BRIP1: variants seen among roughly 807,000 people sequenced by gnomAD.
BRIP1 encodes the protein Fanconi anemia group J protein.
Under a neutral mutation model 119.7 loss-of-function variants are expected in BRIP1, and 88 were observed. The ratio of observed to expected loss-of-function variants is 0.74; its 90% CI spans 0.62 to 0.88. The LOEUF is 0.88. BRIP1 is among the 40% of genes least tolerant of loss of function. The pLI, the probability that BRIP1 is intolerant of heterozygous loss-of-function variation, is 0.00. For synonymous variants in BRIP1, 443 were observed against 496.5 expected (o/e 0.89, Z 1.43); for missense variants, 1,259 against 1,455.4 (o/e 0.87, Z 2.20).
In BRIP1 at chr17:61,685,895, G is replaced by A; in HGVS notation, c.2846C>T (p.Pro949Leu). 6.2e-7 allele frequency: 1 copy of A among 1,613,826 alleles called. No individual in the cohort carries two copies. Among genetic ancestry groups the A allele is most frequent in the Non-Finnish European group, 8.5e-7 (1 of 1,179,912 alleles). ...AGGTGAATTTTTGGTAATAATTTTA[G>A]GACACTGTAGTTCCTGGACACATAT... ...AKICVQELQC[P>L]KIITKNSPLP... Residue 949 changes from proline to leucine, a missense_variant, in exon 19 of 20, where the codon CCT becomes CTT. Physicochemically the swap from Pro to Leu is moderately conservative, Grantham distance 98. This residue lies in a region of BRIP1 where 753 missense variants were observed against 891.8 expected (regional missense o/e 0.84). Coordinates refer to ENST00000259008, the MANE Select transcript of BRIP1 (RefSeq NM_032043.3).
intron 14 of BRIP1, among the ~76,000 whole-genome samples, chr17:61,763,995 A>T (rs918303365): frequency 8.5e-5 from 13 of 152,210 alleles, no homozygotes; most frequent in Non-Finnish European, 1.8e-4. Flanking sequence ...TGAGGCATAT[A>T]AAATACTACC....
At position 61,742,339 on chromosome 17, in the gene BRIP1, G is replaced by A. The variant is rs1330380234; in HGVS notation, c.2379+674C>T. Among the ~76,000 whole-genome samples the A allele has an allele frequency of 6.6e-6, 1 of 152,146 alleles. No individual in the cohort carries two copies. Among genetic ancestry groups the A allele is most frequent in the African/African-American group, 2.4e-5 (1 of 41,432 alleles). ...TAATAAGACTGTTTGCTTATTATTT[G>A]TACATTCACTGGAGTAACACTTTTA... On this transcript the variant is annotated intron_variant, in intron 16 of 19. Transcript: ENST00000259008. The surrounding 1 kb of genome is among the most constrained non-coding windows in gnomAD (Gnocchi z 4.7).
chr17:61,680,584 A>C lies in BRIP1; in HGVS notation c.*2712T>G, dbSNP rs1189732386. 1.4e-5 allele frequency among the ~76,000 whole-genome samples: 2 copies of C among 141,978 alleles called. No individual in the cohort carries two copies. The highest frequency in any genetic ancestry group is 5.3e-5 in the African/African-American group (2 of 37,538). 93.1% of individuals were successfully genotyped at this position (141,978 alleles called of 152,430 possible). The stretch of plus-strand genomic sequence containing the variant: ...AAGCTCCACCTCCCGGGTTCACGCC[A>C]TTCTCCTGCCTCAGCCTCCTGAGTA... On this transcript the variant is annotated 3_prime_UTR_variant, in exon 20 of 20. Transcript: ENST00000259008.
Position 61,705,105 on chromosome 17 carries a change from C to G in BRIP1, c.2492+10846G>C, listed in dbSNP as rs567684090. Among the ~76,000 whole-genome samples, 1 of 152,120 alleles carries G rather than the reference C, an allele frequency of 6.6e-6. No individual in the cohort carries two copies. Among genetic ancestry groups the G allele is most frequent in the African/African-American group, 2.4e-5 (1 of 41,430 alleles). On this transcript the variant is annotated intron_variant, in intron 17 of 19. Transcript: ENST00000259008. This position sits in a 1 kb window ranked among gnomAD's most constrained non-coding sequence, Gnocchi z 5.0. ...TTCCCTCCTTCTCTGCCTCCACTTACATTCATTCCCTAGTGTCTATGTTCC... is the reference window on the plus strand; with the variant it reads ...TTCCCTCCTTCTCTGCCTCCACTTAGATTCATTCCCTAGTGTCTATGTTCC...
intron 16 of BRIP1, among the ~76,000 whole-genome samples, chr17:61,721,674 A>T (rs1178047949): frequency 6.7e-6 from 1 of 149,926 alleles, no homozygotes; most frequent in Non-Finnish European, 1.5e-5. Flanking sequence ...AAGGACATAT[A>T]AAGGACATAG....
chr17:61,725,408 G>A lies in BRIP1; in HGVS notation c.2380-9345C>T, dbSNP rs1335088829. 6.6e-6 allele frequency among the ~76,000 whole-genome samples: 1 copy of A among 152,006 alleles called. No homozygotes were observed. The highest frequency in any genetic ancestry group is 2.1e-4 in the South Asian group (1 of 4,832). ...AGAAATCTATATTAAACTTAGTATC[G>A]CTAATTGTCAGTGTTGACTAAAATA... On this transcript the variant is annotated intron_variant, in intron 16 of 19. Transcript: ENST00000259008. The surrounding 1 kb of genome is among the most constrained non-coding windows in gnomAD (Gnocchi z 5.3).
At position 61,744,262 on chromosome 17, in the gene BRIP1, A is replaced by C. The variant is rs905658215; in HGVS notation, c.2257+170T>G. Among the ~76,000 whole-genome samples the C allele has an allele frequency of 2.0e-5, 3 of 152,192 alleles. No individual in the cohort carries two copies. The highest frequency in any genetic ancestry group is 7.2e-5 in the African/African-American group (3 of 41,448). The stretch of plus-strand genomic sequence containing the variant: ...ATACTCAAGTGAAAATATTCATAGG[A>C]GAACAAGTACAATTAAAAGAATTTC... On this transcript the variant is annotated intron_variant, in intron 15 of 19. Transcript: ENST00000259008. The surrounding 1 kb of genome is among the most constrained non-coding windows in gnomAD (Gnocchi z 5.0).
rs948444096 is a variant in BRIP1, at chr17:61,848,453, C to A, written c.507+676G>T. Among the ~76,000 whole-genome samples, 4 of 152,032 alleles carry A rather than the reference C, an allele frequency of 2.6e-5. No homozygotes were observed. The highest frequency in any genetic ancestry group is 9.7e-5 in the African/African-American group (4 of 41,394). ...TCTCAAACTGCTGGACTCAAGAGAT[C>A]CTCCCACCTCAGCCTCCCAGAGTGC... On this transcript the variant is annotated intron_variant, in intron 5 of 19. Coordinates refer to ENST00000259008, the MANE Select transcript of BRIP1 (RefSeq NM_032043.3). The surrounding 1 kb of genome is among the most constrained non-coding windows in gnomAD (Gnocchi z 4.3).
chr17:61,773,838 CTCA>C (rs2077494892), intron 14 of BRIP1, among the ~76,000 whole-genome samples: 2 of 152,088 alleles, frequency 1.3e-5, no homozygotes, highest in African/African-American at 4.8e-5. Context: ...TGAAAAAATG[CTCA>C]TCATCACTGG....
chr17:61,841,314 T>C lies in BRIP1; in HGVS notation c.627+5787A>G, dbSNP rs890275616. On this transcript the variant is annotated intron_variant, in intron 6 of 19. Transcript: ENST00000259008. The surrounding 1 kb of genome is among the most constrained non-coding windows in gnomAD (Gnocchi z 4.1). ...AGAAAATATTTCCAAACTATTCATC[T>C]GAGAAGGGACTACTATCCAGAATAT... Among the ~76,000 whole-genome samples the C allele has an allele frequency of 7.2e-5, 11 of 151,794 alleles. No individual in the cohort carries two copies. The highest frequency in any genetic ancestry group is 2.7e-4 in the African/African-American group (11 of 41,322).
rs778425670 is a variant in BRIP1, at chr17:61,748,117, G to A, written c.2098-3526C>T. 7.9e-5 allele frequency among the ~76,000 whole-genome samples: 12 copies of A among 152,186 alleles called. No homozygotes were observed. The highest frequency in any genetic ancestry group is 1.5e-4 in the Non-Finnish European group (10 of 68,020). ...TAGAATCCAGGCTGCACAGCAGGAG[G>A]TGAGTGGCAGGTGAGTGAGCATTAC... is the stretch of plus-strand genomic sequence containing the variant. On this transcript the variant is annotated intron_variant, in intron 14 of 19. Coordinates refer to ENST00000259008, the MANE Select transcript of BRIP1 (RefSeq NM_032043.3). This position sits in a 1 kb window ranked among gnomAD's most constrained non-coding sequence, Gnocchi z 4.7.
At chr17:61,716,833 T>TATAA in intron 16 of BRIP1, among the ~76,000 whole-genome samples, 1 of 17,462 alleles carries the variant, frequency 5.7e-5, no homozygotes, top group Non-Finnish European at 1.3e-4. Context: ...CACTACTGGA[T>TATAA]TATTAGCTAT....
chr17:61,793,762 T>C lies in BRIP1; in HGVS notation c.1341-33A>G. On this transcript the variant is annotated intron_variant, in intron 9 of 19. Transcript: ENST00000259008. This position sits in a 1 kb window ranked among gnomAD's most constrained non-coding sequence, Gnocchi z 5.2. ...AAAATAAAACAATTGTGTCAACCAG[T>C]ATCATCCTTACACACACTATTTCAG... The C allele has an allele frequency of 6.3e-7, 1 of 1,598,166 alleles. No individual in the cohort carries two copies. Among genetic ancestry groups the C allele is most frequent in the Non-Finnish European group, 8.5e-7 (1 of 1,174,148 alleles).
rs913245203 is a variant in BRIP1, at chr17:61,806,420, C to A, written c.918+2047G>T. Among the ~76,000 whole-genome samples the A allele has an allele frequency of 6.6e-6, 1 of 152,128 alleles. No homozygotes were observed. The highest frequency in any genetic ancestry group is 2.4e-5 in the African/African-American group (1 of 41,436). ...GGCAGAATTAGGTCAAGACAAACCACAAGCAGATATCTTCAATTATTCATA... is the reference window on the plus strand; with the variant it reads ...GGCAGAATTAGGTCAAGACAAACCAAAAGCAGATATCTTCAATTATTCATA... On this transcript the variant is annotated intron_variant, in intron 7 of 19. Coordinates refer to ENST00000259008, the MANE Select transcript of BRIP1 (RefSeq NM_032043.3). The surrounding 1 kb of genome is among the most constrained non-coding windows in gnomAD (Gnocchi z 4.9).
intron 16 of BRIP1, among the ~76,000 whole-genome samples, chr17:61,721,715 T>C (rs1207724167): frequency 2.1e-5 from 3 of 144,246 alleles, no homozygotes; most frequent in African/African-American, 7.8e-5. Flanking sequence ...TTTTTTTTTT[T>C]TGGACAGAGT....
rs949082063 is a variant in BRIP1 at position 61,827,137 on chromosome 17, G to A, written c.628-18380C>T. Among the ~76,000 whole-genome samples the A allele has an allele frequency of 1.3e-5, 2 of 152,080 alleles. No homozygotes were observed. Among genetic ancestry groups the A allele is most frequent in the African/African-American group, 2.4e-5 (1 of 41,420 alleles). The stretch of plus-strand genomic sequence containing the variant: ...CCTTTACAGAAACTTAGATAGAGCT[G>A]GAGACCATTATCCTTAGCAAACTAA... On this transcript the variant is annotated intron_variant, in intron 6 of 19. Transcript: ENST00000259008. This position sits in a 1 kb window ranked among gnomAD's most constrained non-coding sequence, Gnocchi z 5.8.
At chr17:61,733,029 A>C (rs932993315) in intron 16 of BRIP1, among the ~76,000 whole-genome samples, 1 of 152,186 alleles carries the variant, frequency 6.6e-6, no homozygotes, top group African/African-American at 2.4e-5. Flanking sequence ...AGTAATTCAA[A>C]AGGGATTTAT....
At chr17:61,858,499 G>A (rs181199681) in intron 3 of BRIP1, among the ~76,000 whole-genome samples, 102 of 151,618 alleles carry the variant, frequency 6.7e-4, no homozygotes, top group Middle Eastern at 3.4e-3. Flanking sequence ...TCAGCCTCTC[G>A]AGTAGCTGGG....
chr17:61,797,895 G>T (rs2077925632), intron 9 of BRIP1, among the ~76,000 whole-genome samples: 1 of 151,918 alleles, frequency 6.6e-6, no homozygotes, highest in Non-Finnish European at 1.5e-5. Context: ...CACCTAGCAG[G>T]CTAGAAGAAA....
Sources: allele counts gnomAD v4.1 joint callset (sites outside exome capture counted in the v4.1 genomes callset), GRCh38; gene constraint gnomAD v4.1.1; regional missense constraint gnomAD v4.1.1; non-coding constraint Gnocchi (gnomAD v3.1); transcripts MANE v1.5; gene names NCBI Gene and HGNC (gene_info 2026-07-23, HGNC 2026-07-21).